Variants in NPAS3 observed in about 807,000 individuals in gnomAD.
NPAS3 encodes neuronal PAS domain-containing protein 3.
Under a neutral mutation model 73.1 loss-of-function variants are expected in NPAS3, and 14 were observed. The ratio of observed to expected loss-of-function variants is 0.19; its 90% confidence interval spans 0.13 to 0.30. NPAS3 has a LOEUF of 0.30. Ranked by LOEUF, NPAS3 falls within the 10% of genes least tolerant of loss-of-function variation. The pLI is 1.00. For missense variants in NPAS3, 1,096 were observed against 1,250.0 expected (o/e 0.88, Z 1.86); for synonymous variants, 620 against 541.5 (o/e 1.14, Z -2.01).
At chr14:33,674,118 T>C (rs1400693267) in intron 5 of NPAS3, among the ~76,000 whole-genome samples, 2 of 152,132 alleles carry the variant, frequency 1.3e-5, no homozygotes, top group African/African-American at 4.8e-5. Context: ...GACATTATTG[T>C]ATAGGAAGGA....
At chr14:33,630,141 G>C (rs910752242) in intron 5 of NPAS3, among the ~76,000 whole-genome samples, 2 of 152,090 alleles carry the variant, frequency 1.3e-5, no homozygotes, top group African/African-American at 4.8e-5. Flanking sequence ...TATCCACTGA[G>C]AGAAAGCACC....
intron 6 of NPAS3, among the ~76,000 whole-genome samples, chr14:33,685,505 C>CATG (rs149422911): frequency 0.026 from 4,014 of 152,226 alleles, 170 homozygotes; most frequent in African/African-American, 0.089. Flanking sequence ...GCTCCTGCTG[C>CATG]ATGATAGGTT....
chr14:33,147,725 T>TAAAA (rs72264623), intron 2 of NPAS3, among the ~76,000 whole-genome samples: 1,534 of 91,380 alleles, frequency 0.017, 31 homozygotes, highest in East Asian at 0.05. Flanking sequence ...TAAAGTAGAA[T>TAAAA]AAAAAATATA....
chr14:33,660,823 C>T (rs867767042), intron 5 of NPAS3, among the ~76,000 whole-genome samples: 18 of 152,220 alleles, frequency 1.2e-4, no homozygotes, highest in African/African-American at 4.3e-4. Context: ...TCGGACAGCA[C>T]ATTTACATAC....
At chr14:33,057,271 A>T (rs2040924007) in intron 2 of NPAS3, among the ~76,000 whole-genome samples, 1 of 151,938 alleles carries the variant, frequency 6.6e-6, no homozygotes, top group African/African-American at 2.4e-5. Context: ...TTTTATCCGA[A>T]CTGGTATAAT....
intron 2 of NPAS3, among the ~76,000 whole-genome samples, chr14:33,122,495 T>C (rs1446227022): frequency 6.6e-6 from 1 of 152,212 alleles, no homozygotes; most frequent in East Asian, 1.9e-4. Flanking sequence ...TTTTAATTGA[T>C]TGATATTTTG....
intron 2 of NPAS3, among the ~76,000 whole-genome samples, chr14:33,071,228 A>G (rs540203399): frequency 4.3e-4 from 66 of 152,350 alleles, no homozygotes; most frequent in South Asian, 3.5e-3. Context: ...ATCAAATAAT[A>G]TGCATGGAAC....
intron 4 of NPAS3, among the ~76,000 whole-genome samples, chr14:33,419,649 G>C (rs1187493100): frequency 2.6e-5 from 4 of 152,000 alleles, no homozygotes; most frequent in African/African-American, 7.2e-5. Flanking sequence ...AAAATAAGAA[G>C]ATAAAGATAA....
At chr14:33,003,169 A>G (rs1192554789) in intron 1 of NPAS3, among the ~76,000 whole-genome samples, 3 of 151,708 alleles carry the variant, frequency 2.0e-5, no homozygotes, top group Admixed American at 6.6e-5. Context: ...TCACCCTTTA[A>G]CTGCATCCAA....
At chr14:33,148,609 C>T (rs2139225301) in intron 2 of NPAS3, among the ~76,000 whole-genome samples, 1 of 152,164 alleles carries the variant, frequency 6.6e-6, no homozygotes, top group Middle Eastern at 3.4e-3. Flanking sequence ...AAATTAAGCT[C>T]AACTGAAAAA....
At chr14:33,446,812 A>G (rs1836977463) in intron 4 of NPAS3, among the ~76,000 whole-genome samples, 1 of 152,242 alleles carries the variant, frequency 6.6e-6, no homozygotes, top group African/African-American at 2.4e-5. Context: ...ATATTCATGT[A>G]TGATCTGACC....
chr14:33,377,566 A>T (rs977685316), intron 4 of NPAS3, among the ~76,000 whole-genome samples: 2 of 152,248 alleles, frequency 1.3e-5, no homozygotes, highest in African/African-American at 4.8e-5. Flanking sequence ...TCTCAGAAGG[A>T]TGTTCATAAT....
upstream of NPAS3, among the ~76,000 whole-genome samples, chr14:32,938,280 C>A (rs1227019878): frequency 6.6e-6 from 1 of 152,060 alleles, no homozygotes; most frequent in African/African-American, 2.4e-5. Flanking sequence ...TTTCCGCTGC[C>A]CCCAAGGAGC....
chr14:33,051,296 A>AAAAAAGAG (rs771840433), intron 1 of NPAS3, among the ~76,000 whole-genome samples: 4 of 142,528 alleles, frequency 2.8e-5, no homozygotes, highest in African/African-American at 5.5e-5. Context: ...AAAAAAAAAA[A>AAAAAAGAG]AGAGAGACTA....
intron 5 of NPAS3, among the ~76,000 whole-genome samples, chr14:33,659,993 C>T (rs1019460465): frequency 2.6e-5 from 4 of 152,118 alleles, no homozygotes; most frequent in Non-Finnish European, 4.4e-5. Context: ...GGACCACTCT[C>T]CTGAGGCTCA....
intron 5 of NPAS3, among the ~76,000 whole-genome samples, chr14:33,603,327 G>T (rs1053370884): frequency 1.3e-5 from 2 of 152,166 alleles, no homozygotes; most frequent in Non-Finnish European, 2.9e-5. Context: ...CTTAAAAAAT[G>T]AATAGCTCAT....
At chr14:33,551,240 A>G (rs529267431) in intron 4 of NPAS3, among the ~76,000 whole-genome samples, 3 of 152,340 alleles carry the variant, frequency 2.0e-5, no homozygotes, top group East Asian at 3.9e-4. Flanking sequence ...GCACCAGATT[A>G]GTGTCTGCGG....
intron 2 of NPAS3, among the ~76,000 whole-genome samples, chr14:33,198,053 T>C (rs1405352430): frequency 2.0e-5 from 3 of 151,816 alleles, no homozygotes; most frequent in African/African-American, 7.3e-5. Context: ...GCAGTGCGTC[T>C]AGAGTTGTTT....
chr14:33,230,291 T>C (rs564946985), intron 3 of NPAS3, among the ~76,000 whole-genome samples: 2 of 152,304 alleles, frequency 1.3e-5, no homozygotes, highest in African/African-American at 2.4e-5. Flanking sequence ...ATAGACACCA[T>C]GCAGTTTTTC....
Sources: gnomAD v4.1 joint callset for allele counts (sites outside exome capture counted in the v4.1 genomes callset) on GRCh38, gnomAD v4.1.1 for gene constraint, MANE v1.5 for transcripts, NCBI Gene and HGNC (gene_info 2026-07-23, HGNC 2026-07-21) for gene names.